Variants in PDE4D observed in about 807,000 individuals in gnomAD.
PDE4D encodes the protein 3',5'-cyclic-AMP phosphodiesterase 4D.
A neutral mutation model predicts 87.4 loss-of-function variants in PDE4D; 24 were observed. The ratio of observed to expected loss-of-function variants is 0.27; its 90% CI spans 0.20 to 0.39. PDE4D has a LOEUF of 0.39. Among genes scored for constraint, PDE4D ranks in the 10% least tolerant of loss-of-function variants. The probability of loss-of-function intolerance (pLI) is 1.00; values close to 1 mark genes in which losing one functional copy is unlikely to be tolerated. For synonymous variants in PDE4D, 384 were observed against 383.2 expected (o/e 1.00, Z -0.02); for missense variants, 714 against 1,041.0 (o/e 0.69, Z 4.32).
intron 1 of PDE4D, among the ~76,000 whole-genome samples, chr5:59,480,481 C>G (rs927644198): frequency 2.0e-5 from 3 of 152,054 alleles, no homozygotes; most frequent in African/African-American, 7.2e-5. Flanking sequence ...CCACTACCAC[C>G]CAACACCCAG....
chr5:60,514,653 C>T (rs541561601), intron 1 of PDE4D, among the ~76,000 whole-genome samples: 12 of 151,944 alleles, frequency 7.9e-5, no homozygotes, highest in Non-Finnish European at 1.8e-4. Flanking sequence ...CAAGAAAACT[C>T]TTAGCAAACT....
chr5:59,640,063 C>T (rs570387090), intron 1 of PDE4D, among the ~76,000 whole-genome samples: 2 of 151,758 alleles, frequency 1.3e-5, no homozygotes, highest in East Asian at 1.9e-4. Context: ...TGAAAAGTAA[C>T]AATCAATCCA....
At chr5:60,351,542 AG>A (rs1759193487) in intron 1 of PDE4D, among the ~76,000 whole-genome samples, 1 of 152,124 alleles carries the variant, frequency 6.6e-6, no homozygotes, top group South Asian at 2.1e-4. Flanking sequence ...TGAGAATGTG[AG>A]CCATGTGCTT....
upstream of PDE4D, chr5:60,490,400 A>G (rs1749469218): frequency 7.2e-5 from 11 of 152,242 alleles, no homozygotes. Flanking sequence ...CTGAGCCACC[A>G]TAATATGCTG....
chr5:59,516,603 G>A (rs1811200446), intron 1 of PDE4D, among the ~76,000 whole-genome samples: 1 of 152,036 alleles, frequency 6.6e-6, no homozygotes, highest in South Asian at 2.1e-4. Context: ...TTCGGGAGAA[G>A]ATATTTCCAA....
At chr5:59,135,241 T>C (rs1031081503) in intron 5 of PDE4D, among the ~76,000 whole-genome samples, 8 of 152,232 alleles carry the variant, frequency 5.3e-5, no homozygotes. Flanking sequence ...TTTATTTCTG[T>C]TGCTTTTTGG....
At chr5:59,173,415 T>A (rs1235607866) in intron 5 of PDE4D, among the ~76,000 whole-genome samples, 2 of 152,222 alleles carry the variant, frequency 1.3e-5, no homozygotes, top group African/African-American at 2.4e-5. Flanking sequence ...TAAAAGATCA[T>A]AAGTTTAACT....
intron 1 of PDE4D, among the ~76,000 whole-genome samples, chr5:59,578,940 T>TTTCCTCCTCTTCTTCTCCTCC (rs1317701561): frequency 6.6e-6 from 1 of 152,050 alleles, no homozygotes; most frequent in East Asian, 1.9e-4. Context: ...CCTTCTCCTC[T>TTTCCTCCTCTTCTTCTCCTCC]TTCCTCCTCT....
intron 6 of PDE4D, among the ~76,000 whole-genome samples, chr5:59,036,090 T>C (rs1223908055): frequency 6.6e-6 from 1 of 152,254 alleles, no homozygotes; most frequent in Non-Finnish European, 1.5e-5. Flanking sequence ...TTGGCTAAGA[T>C]GCCTTTTATT....
intron 1 of PDE4D, among the ~76,000 whole-genome samples, chr5:59,488,223 A>T (rs1805515522): frequency 6.6e-6 from 1 of 151,780 alleles, no homozygotes; most frequent in African/African-American, 2.4e-5. Context: ...AATATAATGA[A>T]TTTTAAAGTG....
At position 59,611,857 on chromosome 5, in the gene PDE4D, A is replaced by T. The variant is rs7715496; in HGVS notation, c.455+281311T>A. Among the ~76,000 whole-genome samples, 1,491 of 152,242 alleles carry T rather than the reference A, an allele frequency of 9.8e-3. 24 individuals carry two copies. Among genetic ancestry groups the T allele is most frequent in the African/African-American group, 0.032 (1,340 of 41,530 alleles). On this transcript the variant is annotated intron_variant, in intron 1 of 14. Coordinates refer to ENST00000340635, the MANE Select transcript of PDE4D (RefSeq NM_001104631.2). ...TCCAGTTTTGATAATATAGCAGCCAAATCTATCCACATCACTAAAGCCAAT... is the reference window on the plus strand; with the variant it reads ...TCCAGTTTTGATAATATAGCAGCCATATCTATCCACATCACTAAAGCCAAT...
At chr5:59,887,884 G>A (rs550746568) in intron 1 of PDE4D, among the ~76,000 whole-genome samples, 1 of 152,292 alleles carries the variant, frequency 6.6e-6, no homozygotes, top group Non-Finnish European at 1.5e-5. Flanking sequence ...TTTGGTTCAA[G>A]GCTATAACCT....
chr5:59,005,775 A>G (rs553436735), intron 6 of PDE4D, among the ~76,000 whole-genome samples: 29 of 152,336 alleles, frequency 1.9e-4, no homozygotes, highest in African/African-American at 6.5e-4. Context: ...TACATATTCA[A>G]TAACTTGCTC....
At chr5:60,262,426 C>T (rs536346196) in intron 1 of PDE4D, 3 of 152,224 alleles carry the variant, frequency 2.0e-5, no homozygotes, top group East Asian at 1.9e-4. Flanking sequence ...GACAAGTGTA[C>T]TTCTGAGCCT....
chr5:59,066,647 G>T (rs1283288548), intron 5 of PDE4D, among the ~76,000 whole-genome samples: 1 of 152,024 alleles, frequency 6.6e-6, no homozygotes, highest in Non-Finnish European at 1.5e-5. Flanking sequence ...TCATTCTGTG[G>T]CAAAAAGCAG....
At chr5:59,523,072 C>T (rs532462017) in intron 1 of PDE4D, among the ~76,000 whole-genome samples, 35 of 152,216 alleles carry the variant, frequency 2.3e-4, no homozygotes, top group Non-Finnish European at 3.5e-4. Context: ...GAAATGAATG[C>T]CAACTAATAT....
At chr5:60,060,780 A>G (rs1771309483) in intron 2 of PDE4D, among the ~76,000 whole-genome samples, 1 of 152,052 alleles carries the variant, frequency 6.6e-6, no homozygotes, top group Admixed American at 6.6e-5. Flanking sequence ...CTTTGGGGGT[A>G]GGTTTGCATA....
At chr5:59,743,740 C>T (rs1262376875) in intron 1 of PDE4D, among the ~76,000 whole-genome samples, 1 of 152,148 alleles carries the variant, frequency 6.6e-6, no homozygotes, top group Non-Finnish European at 1.5e-5. Flanking sequence ...AAAGCAGACT[C>T]ATATTGTACA....
At chr5:59,084,268 A>T (rs2153425069) in intron 5 of PDE4D, among the ~76,000 whole-genome samples, 1 of 152,208 alleles carries the variant, frequency 6.6e-6, no homozygotes, top group African/African-American at 2.4e-5. Context: ...CAATTTAGAA[A>T]ATCTAGGAAA....
Sources: gnomAD v4.1 joint callset for allele counts (sites outside exome capture counted in the v4.1 genomes callset) on GRCh38, gnomAD v4.1.1 for gene constraint, MANE v1.5 for transcripts, NCBI Gene and HGNC (gene_info 2026-07-23, HGNC 2026-07-21) for gene names.